Variants in DCP2 observed in about 807,000 individuals in gnomAD.
DCP2 encodes decapping mRNA 2, also known as m7GpppN-mRNA hydrolase.
In DCP2, 30 loss-of-function variants were observed where a neutral mutation model predicts 56.1. The observed-to-expected ratio is 0.53, with a 90% CI of 0.40 to 0.73. The LOEUF is 0.73. DCP2 is among the 30% of genes least tolerant of loss of function. The pLI is 0.00. For synonymous variants in DCP2, 197 were observed against 163.3 expected (o/e 1.21, Z -1.57); for missense variants, 533 against 502.7 (o/e 1.06, Z -0.58).
chr5:112,990,713 G>A (rs1549182), intron 2 of DCP2, among the ~76,000 whole-genome samples: 70,131 of 151,996 alleles, frequency 0.46, 17,349 homozygotes, highest in East Asian at 0.62. Context: ...AAGTGCTAGG[G>A]TTACAGGTAT....
At chr5:113,009,922 T>C (rs1399259971) in intron 9 of DCP2, among the ~76,000 whole-genome samples, 4 of 91,296 alleles carry the variant, frequency 4.4e-5, no homozygotes, top group Non-Finnish European at 7.5e-5. Context: ...TTTTTTTTCC[T>C]TTTTTTTTTT....
chr5:112,986,011 C>G (rs1244036717), intron 2 of DCP2, 25 bp downstream of exon 2: 8 of 1,495,054 alleles, frequency 5.4e-6, no homozygotes, highest in Non-Finnish European at 6.4e-6. Flanking sequence ...ACTATAATGA[C>G]TGACTTTCTT....
Position 113,021,561 on chromosome 5 carries a change from G to C in DCP2, c.*8077G>C, listed in dbSNP as rs1750135232. Among the ~76,000 whole-genome samples the C allele has an allele frequency of 1.3e-5, 2 of 152,182 alleles. No individual in the cohort carries two copies. Among genetic ancestry groups the C allele is most frequent in the African/African-American group, 4.8e-5 (2 of 41,458 alleles). ...AATTCTTAAGTTTGTGCTAGAATCA[G>C]GTTTTGCAATAGGAATACTTAACTT... On this transcript the variant is annotated 3_prime_UTR_variant, in exon 11 of 11. Coordinates refer to ENST00000389063, the MANE Select transcript of DCP2 (RefSeq NM_152624.6).
At chr5:113,006,790 A>T (rs897450379) in intron 8 of DCP2, among the ~76,000 whole-genome samples, 4 of 152,190 alleles carry the variant, frequency 2.6e-5, no homozygotes, top group African/African-American at 9.7e-5. Context: ...TAATAGCAAG[A>T]TTCAAACTAT....
In DCP2 at chr5:113,001,620, A is replaced by G. The variant is rs760388579; in HGVS notation, c.752A>G (p.Asn251Ser). Residue 251 changes from asparagine to serine, a missense_variant, in exon 7 of 11, where the codon AAT becomes AGT. Physicochemically the swap from Asn to Ser is conservative, Grantham distance 46. Transcript: ENST00000389063. ...TTTGGCGATTCCTCAGACAGTGACA[A>G]TGGATTTTCCTCAACTGGTAGCACG... Reference protein sequence around the residue: ...RRFGDSSDSDNGFSSTGSTPA... With the variant: ...RRFGDSSDSDSGFSSTGSTPA... 6.2e-6 allele frequency: 10 copies of G among 1,614,208 alleles called. No individual in the cohort carries two copies. Among genetic ancestry groups the G allele is most frequent in the Non-Finnish European group, 5.9e-6 (7 of 1,180,026 alleles).
At chr5:112,982,614 C>G (rs1748063215) in intron 1 of DCP2, among the ~76,000 whole-genome samples, 1 of 152,228 alleles carries the variant, frequency 6.6e-6, no homozygotes, top group Admixed American at 6.5e-5. Flanking sequence ...ATCCTTAATA[C>G]TACCTTCCAC....
intron 1 of DCP2, among the ~76,000 whole-genome samples, chr5:112,982,934 C>G (rs527951890): frequency 1.3e-5 from 2 of 152,278 alleles, no homozygotes; most frequent in East Asian, 3.9e-4. Flanking sequence ...ATACGCTTCT[C>G]CTTTATGTGA....
chr5:112,996,163 A>G (rs1172872283), intron 4 of DCP2, among the ~76,000 whole-genome samples: 1 of 152,192 alleles, frequency 6.6e-6, no homozygotes, highest in Non-Finnish European at 1.5e-5. Context: ...CCTTTTTTGA[A>G]TGATGAAAGT....
intron 1 of DCP2, among the ~76,000 whole-genome samples, chr5:112,977,440 A>G (rs977600314): frequency 6.6e-6 from 1 of 152,162 alleles, no homozygotes; most frequent in Non-Finnish European, 1.5e-5. Context: ...GATCCCAGGT[A>G]CGCGGACCTG....
chr5:112,983,925 G>A (rs1218195019), intron 1 of DCP2: 2 of 152,172 alleles, frequency 1.3e-5, no homozygotes, highest in Admixed American at 1.3e-4. Flanking sequence ...TAGATGTGTA[G>A]TATCTTAAAA....
At chr5:112,978,406 AATTT>A (rs1747830003) in intron 1 of DCP2, among the ~76,000 whole-genome samples, 1 of 152,200 alleles carries the variant, frequency 6.6e-6, no homozygotes, top group Non-Finnish European at 1.5e-5. Flanking sequence ...GGAACTTTGT[AATTT>A]ACATAAGGTC....
At position 113,017,457 on chromosome 5, in the gene DCP2, T is replaced by G. The variant is rs1749935516; in HGVS notation, c.*3973T>G. 6.6e-6 allele frequency: 1 copy of G among 152,192 alleles called. No homozygotes were observed. The highest frequency in any genetic ancestry group is 1.5e-5 in the Non-Finnish European group (1 of 68,022). 9.4% of individuals were successfully genotyped at this position (152,192 alleles called of 1,614,324 possible). On this transcript the variant is annotated 3_prime_UTR_variant, in exon 11 of 11. Coordinates refer to ENST00000389063, the MANE Select transcript of DCP2 (RefSeq NM_152624.6). ...TATGTCCTAAGACTTGAAAGTGCAT[T>G]TGTCTAGTTGCCAAAAGTTCTAAAA... is the stretch of plus-strand genomic sequence containing the variant.
chr5:113,009,676 G>A (rs1355121508), intron 9 of DCP2, among the ~76,000 whole-genome samples: 1 of 152,140 alleles, frequency 6.6e-6, no homozygotes, highest in Non-Finnish European at 1.5e-5. Context: ...CAGTATCGTA[G>A]ATCTGTGCAG....
chr5:113,008,951 C>G (rs1561704238), intron 9 of DCP2, among the ~76,000 whole-genome samples: 1 of 151,784 alleles, frequency 6.6e-6, no homozygotes, highest in Non-Finnish European at 1.5e-5. Flanking sequence ...TCAAGTGATT[C>G]CCCTGTCTCA....
At chr5:112,983,255 A>G (rs767169425) in intron 1 of DCP2, among the ~76,000 whole-genome samples, 1 of 152,252 alleles carries the variant, frequency 6.6e-6, no homozygotes, top group South Asian at 2.1e-4. Flanking sequence ...AAGTTAAAAC[A>G]CTACGCTGAA....
At chr5:112,982,060 G>A (rs1475180146) in intron 1 of DCP2, among the ~76,000 whole-genome samples, 2 of 152,204 alleles carry the variant, frequency 1.3e-5, no homozygotes, top group African/African-American at 2.4e-5. Context: ...GAGCCACCAT[G>A]CCAGGCCCCT....
intron 1 of DCP2, among the ~76,000 whole-genome samples, chr5:112,983,701 A>T (rs1748118326): frequency 6.6e-6 from 1 of 152,214 alleles, no homozygotes; most frequent in South Asian, 2.1e-4. Context: ...GACTGGGGAA[A>T]AAAAAAGGTC....
chr5:113,010,835 C>A, intron 10 of DCP2, 28 bp downstream of exon 10: 1 of 1,583,300 alleles, frequency 6.3e-7, no homozygotes, highest in Non-Finnish European at 8.5e-7. Context: ...TTTTTATAAT[C>A]TCTGCCTTGT....
At chr5:112,989,507 GAA>G (rs943374961) in intron 2 of DCP2, among the ~76,000 whole-genome samples, 1 of 151,948 alleles carries the variant, frequency 6.6e-6, no homozygotes, top group South Asian at 2.1e-4. Flanking sequence ...CGGAGGAAAT[GAA>G]AAAAGTTACT....
Sources: gnomAD v4.1 joint callset for allele counts (sites outside exome capture counted in the v4.1 genomes callset) on GRCh38, gnomAD v4.1.1 for gene constraint, MANE v1.5 for transcripts, NCBI Gene and HGNC (gene_info 2026-07-23, HGNC 2026-07-21) for gene names.